The following VPS36 variants were observed in gnomAD, a reference collection of about 807,000 sequenced individuals.
VPS36 encodes the protein vacuolar protein sorting 36 homolog, also known as vacuolar protein-sorting-associated protein 36.
Under a neutral mutation model 63.5 loss-of-function variants are expected in VPS36, and 31 were observed. That is an observed-to-expected ratio of 0.49 (90% confidence interval 0.37 to 0.66). The LOEUF is 0.66. Among genes scored for constraint, VPS36 ranks in the 30% least tolerant of loss-of-function variants. The probability of loss-of-function intolerance (pLI) is 0.00; values close to 1 mark genes in which losing one functional copy is unlikely to be tolerated. For synonymous variants in VPS36, 138 were observed against 157.2 expected, an observed-to-expected ratio of 0.88 and a Z score of 0.91; for missense variants, 338 against 463.7, an observed-to-expected ratio of 0.73 and a Z score of 2.49.
At chr13:52,416,262 T>A in intron 12 of VPS36, 169 bp from the exon 13 acceptor site, 3 of 658,496 alleles carry the variant, frequency 4.6e-6, no homozygotes, top group Non-Finnish European at 7.6e-6. Context: ...AAATTTTAAC[T>A]AATGCTTAAT....
chr13:52,412,936 A>G lies in VPS36; in HGVS notation c.*2894T>C, dbSNP rs1957961355. On this transcript the variant is annotated 3_prime_UTR_variant, in exon 14 of 14. Transcript: ENST00000378060. ...AAGAATCTCTTGATATGCAGTTTGT[A>G]TTTTTGTACTTAATATAAGCATAAT... 1.3e-5 allele frequency: 2 copies of G among 152,644 alleles called. No individual in the cohort carries two copies. The highest frequency in any genetic ancestry group is 1.3e-4 in the Admixed American group (2 of 15,284). The allele number at this position is 152,644 out of a possible 1,614,324, so 9.5% of individuals were successfully genotyped here. A position where few individuals can be genotyped will look rare whatever the true frequency, so the allele number is the denominator to read the frequency against.
intron 3 of VPS36, among the ~76,000 whole-genome samples, chr13:52,437,774 C>A (rs1004319445): frequency 1.3e-5 from 2 of 151,822 alleles, no homozygotes; most frequent in Non-Finnish European, 2.9e-5. Flanking sequence ...ACTAAAAATA[C>A]AAAAAATTAG....
intron 10 of VPS36, among the ~76,000 whole-genome samples, chr13:52,419,488 G>A (rs1026001804): frequency 3.3e-5 from 5 of 152,156 alleles, no homozygotes; most frequent in African/African-American, 1.2e-4. Flanking sequence ...AAGAAAACTA[G>A]CTCCCTAAAT....
intron 6 of VPS36, among the ~76,000 whole-genome samples, chr13:52,431,719 C>T (rs1299317645): frequency 6.9e-6 from 1 of 144,684 alleles, no homozygotes; most frequent in Non-Finnish European, 1.5e-5. Flanking sequence ...GCCAAAATAG[C>T]GGCACTGCAC....
chr13:52,437,082 A>G (rs1958226810), intron 3 of VPS36, among the ~76,000 whole-genome samples: 1 of 152,122 alleles, frequency 6.6e-6, no homozygotes, highest in South Asian at 2.1e-4. Flanking sequence ...CTAGTCAATA[A>G]GCAATCTTCT....
At chr13:52,418,573 CAAAAAAAA>C (rs1201650906) in intron 10 of VPS36, among the ~76,000 whole-genome samples, 436 of 31,168 alleles carry the variant, frequency 0.014, 4 homozygotes, top group African/African-American at 0.038. Context: ...GACTCCATCT[CAAAAAAAA>C]AAAAAAAAAA....
chr13:52,415,938 C>A lies in VPS36; in HGVS notation c.1068-15G>T, dbSNP rs770234669. The A allele has an allele frequency of 6.2e-7, 1 of 1,612,474 alleles. No individual in the cohort carries two copies. Among genetic ancestry groups the A allele is most frequent in the East Asian group, 2.2e-5 (1 of 44,854 alleles). On this transcript the variant is annotated splice_polypyrimidine_tract_variant and intron_variant, in intron 13 of 13. Transcript: ENST00000378060. ...CAAGCAGCAACCTAAAAAAAAACAA[C>A]AAAAAAACCCCCACACAATTATCTG...
At chr13:52,416,219 T>C (rs1163649606) in intron 12 of VPS36, 126 bp from the exon 13 acceptor site, 5 of 907,440 alleles carry the variant, frequency 5.5e-6, no homozygotes, top group African/African-American at 3.4e-5. Flanking sequence ...CTGAATGTCC[T>C]ACTAAAATCC....
intron 6 of VPS36, among the ~76,000 whole-genome samples, chr13:52,431,923 T>C (rs7323666): frequency 0.55 from 83,766 of 151,934 alleles, 24,046 homozygotes; most frequent in Middle Eastern, 0.69. Flanking sequence ...CAAAAGCACT[T>C]AGAGGGCCAA....
At position 52,423,584 on chromosome 13, in the gene VPS36, C is replaced by T. The variant is rs761869362; in HGVS notation, c.830G>A (p.Arg277Gln). The T allele has an allele frequency of 1.9e-6, 3 of 1,612,114 alleles. No homozygotes were observed. The African/African-American group carries it at 4.0e-5, about 22-fold the overall frequency. The change falls in exon 10 of 14, where the codon CGA (arginine) becomes CAA (glutamine). Residue 277 changes from arginine to glutamine, a missense_variant. By Grantham distance (43) the Arg-to-Gln change is conservative (BLOSUM62 1). Transcript: ENST00000378060. ...ATTTTCTATCCTTACTTCCATTCCT[C>T]GAGCTCGGTTTACTAAGCAGTACAC... is the stretch of plus-strand genomic sequence containing the variant. ...TEVYCLVNRA[R>Q]GMELLSPEDL...
rs201611503 is a variant in VPS36 at position 52,439,111 on chromosome 13, C to T, written c.223G>A (p.Gly75Arg). 224 of 1,613,650 alleles carry T rather than the reference C, an allele frequency of 1.4e-4. No individual in the cohort carries two copies. Among genetic ancestry groups the T allele is most frequent in the Non-Finnish European group, 1.8e-4 (213 of 1,179,872 alleles). ...QIVFIEEQAA[G>R]IGKSAKIVVH... ...ACACAGACTTACCTCTTCCCAATTC[C>T]AGCCGCCTGTTCTTCAATGAACACA... Residue 75 changes from glycine (G) to arginine (R), a missense_variant, in exon 3 of 14, where the codon GGA (glycine) becomes AGA (arginine). Coordinates refer to ENST00000378060, the MANE Select transcript of VPS36 (RefSeq NM_016075.4).
intron 2 of VPS36, among the ~76,000 whole-genome samples, chr13:52,440,710 A>G (rs2137804308): frequency 6.6e-6 from 1 of 152,352 alleles, no homozygotes; most frequent in Non-Finnish European, 1.5e-5. Flanking sequence ...TTATACTAAG[A>G]TTAACTTATC....
intron 1 of VPS36, chr13:52,450,031 C>G: frequency 7.1e-6 from 7 of 987,078 alleles, no homozygotes; most frequent in Non-Finnish European, 8.4e-6. Flanking sequence ...CGCTGGGGCA[C>G]GGACTGTACG....
intron 1 of VPS36, 25 bp downstream of exon 1, chr13:52,450,474 T>C: frequency 6.3e-7 from 1 of 1,579,386 alleles, no homozygotes; most frequent in Admixed American, 1.8e-5. Context: ...CGCCAGCCCG[T>C]TGGGAAGGTT....
Position 52,436,342 on chromosome 13 carries a change from C to A in VPS36, c.299G>T (p.Ser100Ile). The change falls in exon 4 of 14, where the codon AGT (serine) becomes ATT (isoleucine). Residue 100 changes from serine (S) to isoleucine (I), a missense_variant. Physicochemically the swap from Ser to Ile is moderately radical, Grantham distance 142 (BLOSUM62 -2). Transcript: ENST00000378060. ...GAGTTTGATGTAGGAGTTCTTACTA[C>A]TCTGGAATGGGCCAGGTTCTTTGTT... is the stretch of plus-strand genomic sequence containing the variant. ...PPNKEPGPFQ[S>I]SKNSYIKLSF... 1.9e-6 allele frequency: 3 copies of A among 1,613,306 alleles called. No homozygotes were observed. Among genetic ancestry groups the A allele is most frequent in the Non-Finnish European group, 2.5e-6 (3 of 1,179,818 alleles).
At chr13:52,431,871 C>T (rs1365469192) in intron 6 of VPS36, among the ~76,000 whole-genome samples, 1 of 151,600 alleles carries the variant, frequency 6.6e-6, no homozygotes, top group African/African-American at 2.4e-5. Context: ...GCTTTTGCAA[C>T]ACCAGATAGT....
intron 6 of VPS36, 124 bp downstream of exon 6, chr13:52,433,538 A>C (rs111298446): frequency 1.0e-5 from 8 of 788,732 alleles, no homozygotes; most frequent in African/African-American, 1.8e-5. Flanking sequence ...AGAGAATAGG[A>C]GACTATGTAG....
At chr13:52,419,508 G>A (rs572580999) in intron 10 of VPS36, among the ~76,000 whole-genome samples, 1 of 152,326 alleles carries the variant, frequency 6.6e-6, no homozygotes, top group East Asian at 1.9e-4. Context: ...TGCTGGCAAG[G>A]ATGTGGGGAA....
chr13:52,415,724 G>T lies in VPS36; in HGVS notation c.*106C>A. 9.5e-7 allele frequency: 1 copy of T among 1,048,610 alleles called. No homozygotes were observed. The highest frequency in any genetic ancestry group is 1.4e-6 in the Non-Finnish European group (1 of 695,384). 65.0% of individuals were successfully genotyped at this position (1,048,610 alleles called of 1,614,324 possible). A position where few individuals can be genotyped will look rare whatever the true frequency, so the allele number is the denominator to read the frequency against. On this transcript the variant is annotated 3_prime_UTR_variant, in exon 14 of 14. Coordinates refer to ENST00000378060, the MANE Select transcript of VPS36 (RefSeq NM_016075.4). ...AAAGAGATTTACATTGCACTGTGAA[G>T]TTCCAATAAATTCTCAATTGATCGG... is the stretch of plus-strand genomic sequence containing the variant.
Sources: allele counts gnomAD v4.1 joint callset (sites outside exome capture counted in the v4.1 genomes callset), GRCh38; gene constraint gnomAD v4.1.1; transcripts MANE v1.5; gene names NCBI Gene and HGNC (gene_info 2026-07-23, HGNC 2026-07-21).